The following RAPGEF4 variants were observed in gnomAD, a reference collection of about 807,000 sequenced individuals.
The protein encoded by RAPGEF4 is Rap guanine nucleotide exchange factor 4.
Under a neutral mutation model 147.9 loss-of-function variants are expected in RAPGEF4, and 66 were observed. The observed-to-expected ratio is 0.45, with a 90% CI of 0.37 to 0.55. RAPGEF4 has a LOEUF of 0.55. RAPGEF4 is among the 20% of genes least tolerant of loss of function. The probability of loss-of-function intolerance (pLI) is 0.00; values close to 1 mark genes in which losing one functional copy is unlikely to be tolerated. For synonymous variants in RAPGEF4, 419 were observed against 442.7 expected (o/e 0.95, Z 0.67); for missense variants, 1,071 against 1,257.3 (o/e 0.85, Z 2.24).
intron 4 of RAPGEF4, among the ~76,000 whole-genome samples, chr2:172,884,856 C>G (rs1296377177): frequency 1.3e-5 from 2 of 152,214 alleles, no homozygotes; most frequent in Non-Finnish European, 2.9e-5. Context: ...TTAGGAAGTT[C>G]TGACAGTGCT....
chr2:172,918,946 A>G (rs1046772311), intron 5 of RAPGEF4, among the ~76,000 whole-genome samples: 1 of 152,072 alleles, frequency 6.6e-6, no homozygotes, highest in Non-Finnish European at 1.5e-5. Flanking sequence ...CGCAATCCTG[A>G]GTGAACATCC....
In RAPGEF4 at chr2:172,797,599, A is replaced by T. The variant is rs1293070990; in HGVS notation, c.283A>T (p.Thr95Ser). 1 of 1,612,476 alleles carries T rather than the reference A, an allele frequency of 6.2e-7. No homozygotes were observed. Among genetic ancestry groups the T allele is most frequent in the East Asian group, 2.2e-5 (1 of 44,854 alleles). The change falls in exon 3 of 31, where the codon ACC becomes TCC. Residue 95 changes from threonine (T) to serine (S), a missense_variant. By Grantham distance (58) the Thr-to-Ser change is moderately conservative (BLOSUM62 1). Coordinates refer to ENST00000397081, the MANE Select transcript of RAPGEF4 (RefSeq NM_007023.4). The stretch of plus-strand genomic sequence containing the variant: ...GTCTTTGGATGTTAAAGTATCTGAG[A>T]CCAGCAGTCACCAGGTAATATGGTC... ...AGSLDVKVSETSSHQDAVTIC... is the reference protein window; with the variant it reads ...AGSLDVKVSESSSHQDAVTIC...
At chr2:172,928,961 T>G (rs1685647640) in intron 6 of RAPGEF4, among the ~76,000 whole-genome samples, 1 of 152,208 alleles carries the variant, frequency 6.6e-6, no homozygotes. Flanking sequence ...ATGTTATTAG[T>G]AATGTACACA....
At chr2:173,034,277 T>C (rs1172984487) in intron 27 of RAPGEF4, among the ~76,000 whole-genome samples, 1 of 152,168 alleles carries the variant, frequency 6.6e-6, no homozygotes. Context: ...CTTGCCAAGA[T>C]TATTTTTCCC....
chr2:172,959,519 T>C (rs769458801), intron 6 of RAPGEF4, among the ~76,000 whole-genome samples: 1 of 151,684 alleles, frequency 6.6e-6, no homozygotes, highest in Non-Finnish European at 1.5e-5. Flanking sequence ...CATAAACTTT[T>C]TTTTTAATCA....
intron 6 of RAPGEF4, chr2:172,928,013 A>G: frequency 4.5e-6 from 1 of 220,216 alleles, no homozygotes; most frequent in Non-Finnish European, 9.5e-6. Flanking sequence ...TTATCACCCA[A>G]ATGAAGATTA....
At chr2:172,780,880 C>T (rs539230550) in intron 1 of RAPGEF4, among the ~76,000 whole-genome samples, 3 of 152,294 alleles carry the variant, frequency 2.0e-5, no homozygotes, top group African/African-American at 7.2e-5. Context: ...TATACACCAT[C>T]AAATTGCCCT....
chr2:172,757,655 T>C (rs891554616), intron 1 of RAPGEF4, among the ~76,000 whole-genome samples: 1 of 152,244 alleles, frequency 6.6e-6, no homozygotes, highest in African/African-American at 2.4e-5. Context: ...ATTTCTCCTC[T>C]GAATTAAGTG....
At chr2:173,030,647 G>C (rs917305015) in intron 26 of RAPGEF4, among the ~76,000 whole-genome samples, 1 of 152,198 alleles carries the variant, frequency 6.6e-6, no homozygotes, top group East Asian at 1.9e-4. Flanking sequence ...AATTGAAAGA[G>C]GACAGAAGAT....
At chr2:172,970,106 T>C (rs958365802) in intron 10 of RAPGEF4, among the ~76,000 whole-genome samples, 2 of 151,786 alleles carry the variant, frequency 1.3e-5, no homozygotes, top group Non-Finnish European at 2.9e-5. Flanking sequence ...TCCCGAGAGA[T>C]GGGAAAGTGA....
chr2:173,020,629 C>G lies in RAPGEF4; in HGVS notation c.2167C>G (p.Leu723Val). 6.2e-7 allele frequency: 1 copy of G among 1,612,792 alleles called. No individual in the cohort carries two copies. The highest frequency in any genetic ancestry group is 8.5e-7 in the Non-Finnish European group (1 of 1,179,462). ...TTTTATGTTCACAGAAAAGGTGGTG[C>G]TCAAACCTAATGATGTTTCAGTATT... Reference protein sequence around the residue: ...KMSSGGEKVVLKPNDVSVFTT... With the variant: ...KMSSGGEKVVVKPNDVSVFTT... The change falls in exon 23 of 31, where the codon CTC (leucine) becomes GTC (valine). Residue 723 changes from leucine (L) to valine (V), a missense_variant. Transcript: ENST00000397081.
intron 17 of RAPGEF4, among the ~76,000 whole-genome samples, chr2:173,008,652 A>T (rs894428561): frequency 6.6e-6 from 1 of 152,202 alleles, no homozygotes; most frequent in Non-Finnish European, 1.5e-5. Context: ...TATACATAAT[A>T]TTTTATTCCC....
At chr2:173,033,867 G>C in intron 26 of RAPGEF4, 47 bp from the exon 27 acceptor site, 26 of 1,556,474 alleles carry the variant, frequency 1.7e-5, no homozygotes, top group Non-Finnish European at 2.3e-5. Flanking sequence ...TACATATCTA[G>C]ATATTGAATC....
chr2:172,931,635 C>A (rs1301477740), intron 6 of RAPGEF4, among the ~76,000 whole-genome samples: 2 of 152,116 alleles, frequency 1.3e-5, no homozygotes, highest in Admixed American at 6.5e-5. Context: ...CCAAAGTTAA[C>A]CACAAAGATG....
chr2:172,964,759 A>T (rs900814831), intron 8 of RAPGEF4, among the ~76,000 whole-genome samples: 10 of 152,318 alleles, frequency 6.6e-5, no homozygotes, highest in African/African-American at 2.4e-4. Flanking sequence ...CTCTTGAACC[A>T]TCATGTTGTG....
At chr2:172,983,669 G>A (rs1691930144) in intron 11 of RAPGEF4, 89 bp downstream of exon 11, 11 of 1,516,842 alleles carry the variant, frequency 7.3e-6, no homozygotes, top group Non-Finnish European at 9.7e-6. Context: ...GTTGTGGGGG[G>A]AAAGAATGTC....
chr2:172,881,651 G>A (rs1300300325), intron 4 of RAPGEF4, among the ~76,000 whole-genome samples: 1 of 152,148 alleles, frequency 6.6e-6, no homozygotes, highest in East Asian at 1.9e-4. Context: ...CTCTAACAAG[G>A]AAAATAAGAT....
intron 16 of RAPGEF4, among the ~76,000 whole-genome samples, chr2:172,997,581 T>C (rs1468154989): frequency 6.6e-6 from 1 of 152,182 alleles, no homozygotes; most frequent in Non-Finnish European, 1.5e-5. Flanking sequence ...TTCAGAGTTA[T>C]AAAATTGTGT....
intron 6 of RAPGEF4, among the ~76,000 whole-genome samples, chr2:172,952,227 C>T (rs1401591204): frequency 6.6e-6 from 1 of 152,038 alleles, no homozygotes; most frequent in Non-Finnish European, 1.5e-5. Flanking sequence ...TGTTCCAGCC[C>T]TTTTGTAATA....
Sources: gnomAD v4.1 joint callset for allele counts (sites outside exome capture counted in the v4.1 genomes callset) on GRCh38, gnomAD v4.1.1 for gene constraint, MANE v1.5 for transcripts, NCBI Gene and HGNC (gene_info 2026-07-23, HGNC 2026-07-21) for gene names.